The following LOXL2 variants were observed in gnomAD, a reference collection of about 807,000 sequenced individuals.
LOXL2 encodes lysyl oxidase homolog 2.
LOXL2 carries 70 observed loss-of-function variants against 93.0 expected under a neutral mutation model. The ratio of observed to expected loss-of-function variants is 0.75; its 90% CI spans 0.62 to 0.92. The LOEUF is 0.92. LOXL2 is among the 40% of genes least tolerant of loss of function. LOXL2 has a pLI of 0.00. For missense variants in LOXL2, 973 were observed against 1,054.9 expected (o/e 0.92, Z 1.08); for synonymous variants, 438 against 413.2 (o/e 1.06, Z -0.73).
intron 5 of LOXL2, among the ~76,000 whole-genome samples, chr8:23,331,185 C>A (rs531479206): frequency 6.6e-6 from 1 of 151,930 alleles, no homozygotes; most frequent in Non-Finnish European, 1.5e-5. Flanking sequence ...GAGGGGAGAC[C>A]GGGGAGGGGA....
rs570975247 is a variant in LOXL2, at chr8:23,351,324, G to C, written c.531+8766C>G. On this transcript the variant is annotated intron_variant, in intron 3 of 13. Coordinates refer to ENST00000389131, the MANE Select transcript of LOXL2 (RefSeq NM_002318.3). ...CCACTCTGCCCTAGTCACATCACCA[G>C]ACCTCCCTGCAGAGCGGACCTGCCC... 2.5e-4 allele frequency among the ~76,000 whole-genome samples: 38 copies of C among 152,284 alleles called. No individual in the cohort carries two copies. The South Asian group carries it at 7.5e-3, about 30-fold the overall frequency.
At chr8:23,383,796 G>T (rs1804716512) in intron 1 of LOXL2, among the ~76,000 whole-genome samples, 2 of 151,494 alleles carry the variant, frequency 1.3e-5, no homozygotes, top group Admixed American at 1.3e-4. Context: ...GAGTAGCTGG[G>T]ACTACAGGCG....
intron 6 of LOXL2, among the ~76,000 whole-genome samples, chr8:23,322,635 T>A (rs1803513302): frequency 6.6e-6 from 1 of 152,238 alleles, no homozygotes; most frequent in South Asian, 2.1e-4. Flanking sequence ...TTCCATGCAT[T>A]TATGAATCTC....
chr8:23,379,209 CCT>C (rs1350269818), intron 1 of LOXL2, among the ~76,000 whole-genome samples: 9 of 151,766 alleles, frequency 5.9e-5, no homozygotes, highest in Admixed American at 3.3e-4. Flanking sequence ...CACTCCAGAC[CCT>C]GTTTGCCTGG....
At chr8:23,358,599 C>T (rs746748547) in intron 3 of LOXL2, among the ~76,000 whole-genome samples, 1 of 152,178 alleles carries the variant, frequency 6.6e-6, no homozygotes, top group Non-Finnish European at 1.5e-5. Context: ...GCTGCCAATT[C>T]CTCCTGTCCT....
chr8:23,322,290 G>A lies in LOXL2; in HGVS notation c.1151-9C>T, dbSNP rs1336946523. The A allele has an allele frequency of 1.1e-5, 17 of 1,611,894 alleles. No individual in the cohort carries two copies. The highest frequency in any genetic ancestry group is 1.3e-5 in the African/African-American group (1 of 74,878). ...GTGGATGGGTCCGATCCCTGCAAGG[G>A]GAGAATAAACATGCTCTATGAAAGC... On this transcript the variant is annotated splice_polypyrimidine_tract_variant and intron_variant, in intron 6 of 13. Transcript: ENST00000389131.
At chr8:23,323,018 G>C (rs1265227491) in intron 6 of LOXL2, among the ~76,000 whole-genome samples, 1 of 152,242 alleles carries the variant, frequency 6.6e-6, no homozygotes, top group Non-Finnish European at 1.5e-5. Flanking sequence ...CTGCCGGAGA[G>C]TTCTGGAGAC....
At chr8:23,349,312 C>T (rs1233472512) in intron 3 of LOXL2, among the ~76,000 whole-genome samples, 3 of 152,212 alleles carry the variant, frequency 2.0e-5, no homozygotes, top group African/African-American at 2.4e-5. Flanking sequence ...TCAGATCTTC[C>T]TGGTGGTGCC....
At chr8:23,302,383 C>T (rs1803149828) in intron 11 of LOXL2, among the ~76,000 whole-genome samples, 1 of 152,182 alleles carries the variant, frequency 6.6e-6, no homozygotes, top group African/African-American at 2.4e-5. Flanking sequence ...TCCCCTTCCT[C>T]CATGAAGCCC....
chr8:23,341,139 G>A lies in LOXL2; in HGVS notation c.596C>T (p.Thr199Ile). ...CTCCACGTAGCCCTCCATCACTGGG[G>A]TGCGCTTGCGGTAGGTTGAGAGGAT... The part of the protein sequence containing the change: ...RAILSTYRKR[T>I]PVMEGYVEVK... The change falls in exon 4 of 14, where the codon ACC becomes ATC. Residue 199 changes from threonine (T) to isoleucine (I), a missense_variant. Coordinates refer to ENST00000389131, the MANE Select transcript of LOXL2 (RefSeq NM_002318.3). The A allele has an allele frequency of 6.2e-7, 1 of 1,613,928 alleles. No individual in the cohort carries two copies. Among genetic ancestry groups the A allele is most frequent in the Admixed American group, 1.7e-5 (1 of 60,018 alleles).
chr8:23,314,430 T>C (rs2117151585), intron 9 of LOXL2, among the ~76,000 whole-genome samples: 1 of 137,892 alleles, frequency 7.3e-6, no homozygotes, highest in Non-Finnish European at 1.6e-5. Flanking sequence ...TAAGAAAATG[T>C]GGCACATATA....
chr8:23,330,904 T>G (rs955196483), intron 5 of LOXL2, among the ~76,000 whole-genome samples: 1 of 152,076 alleles, frequency 6.6e-6, no homozygotes, highest in Non-Finnish European at 1.5e-5. Flanking sequence ...GTCCCCTCTG[T>G]GCTCTTCAGA....
chr8:23,304,251 C>A (rs550298908), intron 10 of LOXL2, among the ~76,000 whole-genome samples: 3 of 152,196 alleles, frequency 2.0e-5, no homozygotes, highest in Non-Finnish European at 2.9e-5. Flanking sequence ...TCTCTTCCCT[C>A]GGGAGGAATT....
At chr8:23,400,408 C>A (rs576723174) in intron 1 of LOXL2, among the ~76,000 whole-genome samples, 1 of 151,870 alleles carries the variant, frequency 6.6e-6, no homozygotes, top group Non-Finnish European at 1.5e-5. Flanking sequence ...CCATATCTCA[C>A]GAGATTTACT....
At chr8:23,380,391 C>CAAAAAAAAAA (rs1219621037) in intron 1 of LOXL2, among the ~76,000 whole-genome samples, 1 of 54,390 alleles carries the variant, frequency 1.8e-5, no homozygotes, top group East Asian at 6.6e-4. Flanking sequence ...GACTCCGTCT[C>CAAAAAAAAAA]AAAAAAAAAA....
chr8:23,299,355 G>A (rs1803089606), intron 12 of LOXL2, among the ~76,000 whole-genome samples: 1 of 152,186 alleles, frequency 6.6e-6, no homozygotes, highest in African/African-American at 2.4e-5. Flanking sequence ...GGCTGCCTGG[G>A]CGTTGGAGAT....
At chr8:23,396,894 G>T (rs910428055) in intron 1 of LOXL2, among the ~76,000 whole-genome samples, 5 of 152,146 alleles carry the variant, frequency 3.3e-5, no homozygotes, top group African/African-American at 1.2e-4. Context: ...TCCATAACAG[G>T]CATTTGTACA....
chr8:23,367,941 G>T, intron 2 of LOXL2, 56 bp downstream of exon 2: 1 of 1,459,180 alleles, frequency 6.9e-7, no homozygotes, highest in Non-Finnish European at 9.4e-7. Context: ...CTCAGGGAAG[G>T]CCACTCCGGG....
rs775420746 is a variant in LOXL2, at chr8:23,309,699, G to A, written c.1849C>T (p.Arg617Cys). ...GQSDFRPKNGRHAWIWHDCHR... is the reference protein window; with the variant it reads ...GQSDFRPKNGCHAWIWHDCHR... ...CAGTCGTGCCAGATCCACGCGTGGC[G>A]GCCGTTCTTGGGCCGGAAGTCGGAC... is the stretch of plus-strand genomic sequence containing the variant. Residue 617 changes from arginine to cysteine, a missense_variant, in exon 10 of 14, where the codon CGC becomes TGC. Physicochemically the swap from Arg to Cys is radical, Grantham distance 180. Transcript: ENST00000389131. 3.9e-6 allele frequency: 6 copies of A among 1,546,766 alleles called. No homozygotes were observed. The highest frequency in any genetic ancestry group is 2.5e-5 in the East Asian group (1 of 40,768).
Sources: allele counts gnomAD v4.1 joint callset (sites outside exome capture counted in the v4.1 genomes callset), GRCh38; gene constraint gnomAD v4.1.1; transcripts MANE v1.5; gene names NCBI Gene and HGNC (gene_info 2026-07-23, HGNC 2026-07-21).